The following DST variants were observed in gnomAD, a reference collection of about 807,000 sequenced individuals.
The protein encoded by DST is dystonin, also known as bullous pemphigoid antigen.
A neutral mutation model predicts 875.2 loss-of-function variants in DST; 253 were observed. That is an observed-to-expected ratio of 0.29 (90% CI 0.26 to 0.32). The LOEUF (loss-of-function observed/expected upper bound fraction) is 0.32. Ranked by LOEUF, DST falls within the 10% of genes least tolerant of loss-of-function variation. The pLI, the probability that DST is intolerant of heterozygous loss-of-function variation, is 1.00. For synonymous variants in DST, 3,124 were observed against 3,197.1 expected (o/e 0.98, Z 0.77); for missense variants, 8,287 against 9,111.6 (o/e 0.91, Z 3.68).
Position 56,735,299 on chromosome 6 carries a change from A to G in DST, c.626-10T>C, listed in dbSNP as rs561953030. On this transcript the variant is annotated splice_polypyrimidine_tract_variant and intron_variant, in intron 4 of 103. Coordinates refer to ENST00000680361, the MANE Select transcript of DST (RefSeq NM_001374736.1). Reference sequence around the variant, plus strand: ...ACTTTGTCCCGTTCATCTGGAAGGAAAAAATATATATAAAGATAAGGTTGG... The same window carrying G: ...ACTTTGTCCCGTTCATCTGGAAGGAGAAAATATATATAAAGATAAGGTTGG... The G allele has an allele frequency of 1.6e-5, 23 of 1,478,928 alleles. No individual in the cohort carries two copies. In the South Asian group the frequency reaches 2.7e-4, roughly 17 times the overall value. The allele number at this position is 1,478,928 out of a possible 1,614,324, so 91.6% of individuals were successfully genotyped here.
At position 56,604,788 on chromosome 6, in the gene DST, T is replaced by C. The variant is rs758434354; in HGVS notation, c.9840A>G (p.Val3280=). Reference sequence around the variant, plus strand: ...GAAAATCATTTTTCCCAACATCTTCTACATGTTTACGAGATAATATTGAAA... The same window carrying C: ...GAAAATCATTTTTCCCAACATCTTCCACATGTTTACGAGATAATATTGAAA... ...ATLSILSRKH[V]EDVGKNDFLQ... Residue 3280 remains valine, a synonymous_variant, in exon 40 of 104, where the codon GTA becomes GTG. Transcript: ENST00000680361. 2.0e-5 allele frequency: 32 copies of C among 1,612,766 alleles called. No homozygotes were observed. Among genetic ancestry groups the C allele is most frequent in the Non-Finnish European group, 2.5e-5 (29 of 1,179,248 alleles).
chr6:56,619,873 A>G lies in DST; in HGVS notation c.4929+4657T>C, dbSNP rs1586846643. On this transcript the variant is annotated intron_variant, in intron 36 of 103. Transcript: ENST00000680361. ...TTTCAAGCTGGAGGGCATTAAGTTC[A>G]TATGTCAGCTCTCTCATGTCTTGTT... is the stretch of plus-strand genomic sequence containing the variant. 1 of 1,614,118 alleles carries G rather than the reference A, an allele frequency of 6.2e-7. No homozygotes were observed. The highest frequency in any genetic ancestry group is 8.5e-7 in the Non-Finnish European group (1 of 1,180,024).
intron 3 of DST, among the ~76,000 whole-genome samples, chr6:56,885,406 A>G (rs965573806): frequency 6.6e-5 from 10 of 152,210 alleles, no homozygotes; most frequent in Admixed American, 6.5e-4. Flanking sequence ...ACTGTTTTCT[A>G]TAGCAGTTGA....
chr6:56,827,442 G>A (rs2099782004), intron 4 of DST, among the ~76,000 whole-genome samples: 1 of 147,890 alleles, frequency 6.8e-6, no homozygotes, highest in South Asian at 2.1e-4. Context: ...AGAAGGCGGA[G>A]GTTGCAGTCA....
Position 56,542,428 on chromosome 6 carries a change from TAAAAAAAAAAAAA to T in DST, c.16609-5501_16609-5489del, listed in dbSNP as rs60688419. On this transcript the variant is annotated intron_variant, in intron 61 of 103. Transcript: ENST00000680361. ...AGCATGGTGTACTACTAAGCTTCTT[TAAAAAAAAAAAAA>T]AAAAAAAAAAAAAAGCCATTTCCAA... 2.5e-4 allele frequency: 17 copies of T among 68,088 alleles called. 1 individual carries two copies. The South Asian group carries it at 6.9e-3, about 28-fold the overall frequency. 4.2% of individuals were successfully genotyped at this position (68,088 alleles called of 1,614,324 possible). A position where few individuals can be genotyped will look rare whatever the true frequency, so the allele number is the denominator to read the frequency against.
chr6:56,700,520 C>A (rs927318591), intron 8 of DST, among the ~76,000 whole-genome samples: 1 of 152,158 alleles, frequency 6.6e-6, no homozygotes, highest in African/African-American at 2.4e-5. Context: ...AAATAACTAG[C>A]ATTATTTTGC....
At chr6:56,788,927 G>C (rs1250283277) in intron 4 of DST, among the ~76,000 whole-genome samples, 1 of 152,212 alleles carries the variant, frequency 6.6e-6, no homozygotes, top group African/African-American at 2.4e-5. Context: ...GAATTTCAGA[G>C]TCAACATGAA....
Position 56,634,634 on chromosome 6 carries a change from G to A in DST, c.3340-18C>T, listed in dbSNP as rs1343012469. On this transcript the variant is annotated intron_variant, in intron 25 of 103. Coordinates refer to ENST00000680361, the MANE Select transcript of DST (RefSeq NM_001374736.1). The stretch of plus-strand genomic sequence containing the variant: ...ATGGTTATCTGGTTTAAAATAAAGA[G>A]CAGAATAACTCAATGAGGTCACTGT... The A allele has an allele frequency of 6.2e-7, 1 of 1,613,814 alleles. No homozygotes were observed. Among genetic ancestry groups the A allele is most frequent in the Non-Finnish European group, 8.5e-7 (1 of 1,179,782 alleles).
At chr6:56,938,482 C>T (rs142424382) in intron 2 of DST, among the ~76,000 whole-genome samples, 66 of 151,940 alleles carry the variant, frequency 4.3e-4, no homozygotes, top group African/African-American at 1.5e-3. Context: ...AATTTCCATA[C>T]ATATGAAAGC....
intron 79 of DST, 102 bp from the exon 80 acceptor site, chr6:56,501,337 C>T: frequency 7.7e-7 from 1 of 1,306,626 alleles, no homozygotes; most frequent in Non-Finnish European, 1.0e-6. Flanking sequence ...TGTATAAGTC[C>T]ATAAACGTAT....
intron 9 of DST, among the ~76,000 whole-genome samples, chr6:56,694,290 T>C (rs2099250308): frequency 6.6e-6 from 1 of 151,384 alleles, no homozygotes; most frequent in Non-Finnish European, 1.5e-5. Context: ...ACTAAAAAAA[T>C]TAATAATTGC....
chr6:56,843,385 G>A (rs1325080176), intron 4 of DST: 3 of 1,150,308 alleles, frequency 2.6e-6, no homozygotes, highest in East Asian at 4.1e-5. Flanking sequence ...CCGGCTCCGG[G>A]AGCCCGAGTC....
intron 4 of DST, among the ~76,000 whole-genome samples, chr6:56,772,579 A>C (rs1289768350): frequency 2.0e-5 from 3 of 152,230 alleles, no homozygotes; most frequent in Admixed American, 6.5e-5. Flanking sequence ...ACTGCTAATT[A>C]TTTTATTCTA....
intron 69 of DST, among the ~76,000 whole-genome samples, chr6:56,520,512 T>G (rs531424480): frequency 6.6e-6 from 1 of 152,170 alleles, no homozygotes; most frequent in South Asian, 2.1e-4. Context: ...GCTTGTGATA[T>G]TTTACTATAA....
At chr6:56,914,333 C>T (rs1231849802) in intron 2 of DST, among the ~76,000 whole-genome samples, 1 of 151,946 alleles carries the variant, frequency 6.6e-6, no homozygotes, top group Non-Finnish European at 1.5e-5. Flanking sequence ...TGGGGCATAC[C>T]CCACATTTTC....
In DST at chr6:56,763,636, C is replaced by T. The variant is rs186832511; in HGVS notation, c.626-28347G>A. 7.0e-4 allele frequency among the ~76,000 whole-genome samples: 105 copies of T among 150,628 alleles called. No homozygotes were observed. The East Asian group carries it at 0.016, about 23-fold the overall frequency. On this transcript the variant is annotated intron_variant, in intron 4 of 103. Transcript: ENST00000680361. ...GCAGTGAGCTGAGATCACACCACTG[C>T]GCTCCAGCCGACAGAACGAGACTCC...
intron 7 of DST, among the ~76,000 whole-genome samples, chr6:56,702,881 A>G (rs773894555): frequency 1.3e-5 from 2 of 152,212 alleles, no homozygotes; most frequent in Admixed American, 6.5e-5. Context: ...CAAAGGTGCC[A>G]TAAGAAAACA....
intron 4 of DST, among the ~76,000 whole-genome samples, chr6:56,838,835 G>A (rs753645804): frequency 3.9e-5 from 6 of 152,142 alleles, no homozygotes; most frequent in South Asian, 4.1e-4. Flanking sequence ...ATTCAAATGC[G>A]TCATTTTGAA....
chr6:56,892,124 C>T (rs909814007), intron 3 of DST, among the ~76,000 whole-genome samples: 1 of 152,210 alleles, frequency 6.6e-6, no homozygotes, highest in African/African-American at 2.4e-5. Context: ...ACACTACTCA[C>T]CTATTACAGT....
Sources: gnomAD v4.1 joint callset for allele counts (sites outside exome capture counted in the v4.1 genomes callset) on GRCh38, gnomAD v4.1.1 for gene constraint, MANE v1.5 for transcripts, NCBI Gene and HGNC (gene_info 2026-07-23, HGNC 2026-07-21) for gene names.